Variants in PCDHA9 observed in about 807,000 individuals in gnomAD.
PCDHA9 encodes protocadherin alpha-9.
PCDHA9 carries 62 observed loss-of-function variants against 62.0 expected under a neutral mutation model. The ratio of observed to expected loss-of-function variants is 1.00; its 90% CI spans 0.81 to 1.23. The LOEUF is 1.23. PCDHA9 is among the 50% of genes most tolerant of loss of function. The pLI is 0.00. For synonymous variants in PCDHA9, 557 were observed against 567.6 expected (o/e 0.98, Z 0.27); for missense variants, 1,205 against 1,249.8 (o/e 0.96, Z 0.54).
intron 1 of PCDHA9, among the ~76,000 whole-genome samples, chr5:140,932,460 A>G (rs1275552236): frequency 6.6e-6 from 1 of 151,902 alleles, no homozygotes; most frequent in Non-Finnish European, 1.5e-5. Flanking sequence ...TTGCCAGGGT[A>G]TATAGGAAAT....
intron 1 of PCDHA9, chr5:140,851,484 A>G: frequency 2.2e-6 from 2 of 889,574 alleles, no homozygotes; most frequent in Non-Finnish European, 2.7e-6. Context: ...TTATAAACAC[A>G]GCCTTCATTT....
chr5:140,928,889 A>T, intron 1 of PCDHA9: 2 of 1,614,118 alleles, frequency 1.2e-6, no homozygotes, highest in Non-Finnish European at 1.7e-6. Flanking sequence ...TTACTTCCAG[A>T]CTTTGAAGAT....
chr5:140,983,221 A>G (rs1178098444), intron 3 of PCDHA9, among the ~76,000 whole-genome samples: 1 of 152,196 alleles, frequency 6.6e-6, no homozygotes, highest in Non-Finnish European at 1.5e-5. Context: ...TCCTAATCCA[A>G]ACTTTCAGGA....
chr5:140,953,951 A>C (rs1554221165), intron 1 of PCDHA9, among the ~76,000 whole-genome samples: 1 of 151,876 alleles, frequency 6.6e-6, no homozygotes, highest in Admixed American at 6.6e-5. Context: ...TGCTCCCCCA[A>C]CAGGCCCCAG....
At chr5:140,926,947 G>C in intron 1 of PCDHA9, 1 of 1,590,600 alleles carries the variant, frequency 6.3e-7, no homozygotes, top group Non-Finnish European at 8.6e-7. Context: ...CGGCGCTGCA[G>C]CGGGACAGCT....
chr5:140,907,563 A>G (rs1554193054), intron 1 of PCDHA9, among the ~76,000 whole-genome samples: 1 of 152,160 alleles, frequency 6.6e-6, no homozygotes, highest in Admixed American at 6.5e-5. Context: ...AATATAATCA[A>G]CTTGCCACCA....
chr5:140,883,594 G>C (rs1562791129), intron 1 of PCDHA9: 5 of 1,614,032 alleles, frequency 3.1e-6, no homozygotes, highest in South Asian at 1.1e-5. Context: ...CCAGCGTGTC[G>C]GTGGGGGTGG....
At chr5:140,863,452 G>A in intron 1 of PCDHA9, 4 of 561,032 alleles carry the variant, frequency 7.1e-6, no homozygotes, top group South Asian at 2.9e-5. Flanking sequence ...TCGCAGCAAA[G>A]GAGATTTTAC....
intron 3 of PCDHA9, among the ~76,000 whole-genome samples, chr5:141,007,395 C>CAAAAAAAAAAAAAAAA (rs35800918): frequency 3.2e-5 from 3 of 94,864 alleles, no homozygotes; most frequent in Non-Finnish European, 4.1e-5. Flanking sequence ...TACTAAAATA[C>CAAAAAAAAAAAAAAAA]AAAAAAAAAA....
At chr5:140,967,468 C>T (rs155807) in intron 1 of PCDHA9, 541,339 of 1,613,022 alleles carry the variant, frequency 0.34, 92,423 homozygotes, top group East Asian at 0.5. Context: ...ATGGGGGCAT[C>T]CCAGCCCGCT....
chr5:140,916,220 A>G (rs886998484), intron 1 of PCDHA9, among the ~76,000 whole-genome samples: 11 of 152,084 alleles, frequency 7.2e-5, no homozygotes, highest in African/African-American at 2.7e-4. Context: ...AGATCCAAAT[A>G]TGCTTTCCAG....
At chr5:140,964,783 A>C (rs2095854085) in intron 1 of PCDHA9, among the ~76,000 whole-genome samples, 1 of 152,018 alleles carries the variant, frequency 6.6e-6, no homozygotes, top group East Asian at 1.9e-4. Context: ...AAGAGGAAGA[A>C]GCCAGAGACC....
At chr5:140,863,062 G>A (rs62384481) in intron 1 of PCDHA9, 2 of 565,590 alleles carry the variant, frequency 3.5e-6, no homozygotes, top group South Asian at 1.4e-5. Context: ...CCCGTTCCAC[G>A]TGGGGCTCTG....
At chr5:140,858,209 T>A (rs1554151274) in intron 1 of PCDHA9, 1 of 1,593,850 alleles carries the variant, frequency 6.3e-7, no homozygotes, top group Admixed American at 1.7e-5. Context: ...TGCACTGAGG[T>A]GCTCGGCGGC....
intron 3 of PCDHA9, among the ~76,000 whole-genome samples, chr5:141,000,365 C>G (rs1413548696): frequency 7.8e-5 from 1 of 12,832 alleles, no homozygotes; most frequent in Non-Finnish European, 1.3e-4. Flanking sequence ...CTCTCTGTCT[C>G]TCTCTCTCTC....
intron 3 of PCDHA9, among the ~76,000 whole-genome samples, chr5:141,004,580 A>G (rs782539696): frequency 5.3e-5 from 8 of 152,222 alleles, no homozygotes; most frequent in Non-Finnish European, 1.2e-4. Context: ...TGTGTTCTGC[A>G]TCTCCAGATG....
At chr5:140,888,198 G>A (rs1031899783) in intron 1 of PCDHA9, among the ~76,000 whole-genome samples, 2 of 152,044 alleles carry the variant, frequency 1.3e-5, no homozygotes, top group Admixed American at 6.6e-5. Flanking sequence ...TTACATTGTC[G>A]GATGCTGGAT....
At chr5:140,875,997 T>A (rs1441666431) in intron 1 of PCDHA9, 1 of 1,613,924 alleles carries the variant, frequency 6.2e-7, no homozygotes, top group East Asian at 2.2e-5. Flanking sequence ...TAAGTCTAAA[T>A]GAGAATTTTG....
chr5:140,921,168 C>A (rs1260180010), intron 1 of PCDHA9, among the ~76,000 whole-genome samples: 1 of 151,534 alleles, frequency 6.6e-6, no homozygotes, highest in Non-Finnish European at 1.5e-5. Context: ...TTTTAACACA[C>A]ATAAAGCACA....
Sources: allele counts gnomAD v4.1 joint callset (sites outside exome capture counted in the v4.1 genomes callset), GRCh38; gene constraint gnomAD v4.1.1; transcripts MANE v1.5; gene names NCBI Gene and HGNC (gene_info 2026-07-23, HGNC 2026-07-21).